The following SUMF1 variants were observed in gnomAD, a reference collection of about 807,000 sequenced individuals.
The protein encoded by SUMF1 is sulfatase modifying factor 1.
A neutral mutation model predicts 47.6 loss-of-function variants in SUMF1; 48 were observed. That is an observed-to-expected ratio of 1.01 (90% CI 0.80 to 1.28). The LOEUF (loss-of-function observed/expected upper bound fraction) is 1.28, where lower values mean the gene tolerates loss of function less well. Among genes scored for constraint, SUMF1 ranks in the 50% most tolerant of loss-of-function variants. The pLI, the probability that SUMF1 is intolerant of heterozygous loss-of-function variation, is 0.00. For missense variants in SUMF1, 571 were observed against 485.4 expected, an observed-to-expected ratio of 1.18 and a Z score of -1.66; for synonymous variants, 230 against 192.1, an observed-to-expected ratio of 1.20 and a Z score of -1.63.
At chr3:4,050,743 T>A in intron 9 of SUMF1, among the ~76,000 whole-genome samples, 2 of 99,920 alleles carry the variant, frequency 2.0e-5, no homozygotes, top group African/African-American at 5.0e-5. Flanking sequence ...AGTGAGACCC[T>A]GTCTCAAAAA....
intron 8 of SUMF1, among the ~76,000 whole-genome samples, chr3:4,101,035 AC>A (rs776922961): frequency 5.9e-5 from 9 of 152,078 alleles, no homozygotes; most frequent in South Asian, 2.1e-4. Flanking sequence ...AGAAAAGGGA[AC>A]TTTTATACAC....
intron 8 of SUMF1, among the ~76,000 whole-genome samples, chr3:4,085,907 C>T (rs767895115): frequency 6.6e-6 from 1 of 151,924 alleles, no homozygotes; most frequent in Middle Eastern, 3.4e-3. Context: ...TCCTCTTCTG[C>T]CTCTCAAAAA....
intron 8 of SUMF1, among the ~76,000 whole-genome samples, chr3:4,245,821 T>C (rs2125002621): frequency 6.6e-6 from 1 of 152,318 alleles, no homozygotes; most frequent in East Asian, 1.9e-4. Flanking sequence ...TCTGCTGCCT[T>C]TGGTTCAGAT....
intron 8 of SUMF1, among the ~76,000 whole-genome samples, chr3:4,256,081 C>A (rs1188776399): frequency 6.7e-6 from 1 of 148,946 alleles, no homozygotes; most frequent in Non-Finnish European, 1.5e-5. Flanking sequence ...AACAAAGACA[C>A]AACATACCAG....
intron 8 of SUMF1, among the ~76,000 whole-genome samples, chr3:4,163,987 C>A (rs939337579): frequency 2.0e-5 from 3 of 152,128 alleles, no homozygotes; most frequent in Admixed American, 6.5e-5. Context: ...CTGTTAGAAC[C>A]ACTGGCTATT....
At chr3:4,289,482 C>T (rs1559655533) in intron 8 of SUMF1, among the ~76,000 whole-genome samples, 1 of 152,174 alleles carries the variant, frequency 6.6e-6, no homozygotes, top group Non-Finnish European at 1.5e-5. Context: ...TACATTACTA[C>T]ACTAGCAATT....
At chr3:4,260,545 G>C (rs1318640177) in intron 8 of SUMF1, among the ~76,000 whole-genome samples, 1 of 152,028 alleles carries the variant, frequency 6.6e-6, no homozygotes, top group Non-Finnish European at 1.5e-5. Context: ...GATAAACCTG[G>C]GCATAACGTA....
At chr3:4,201,106 C>T (rs890232618) in intron 8 of SUMF1, among the ~76,000 whole-genome samples, 1 of 152,038 alleles carries the variant, frequency 6.6e-6, no homozygotes, top group Non-Finnish European at 1.5e-5. Context: ...GGGTATCCAT[C>T]ACCTCATGCA....
At position 4,039,208 on chromosome 3, in the gene SUMF1, A is replaced by AT. The variant is rs1213784165; in HGVS notation, c.1191+29360_1191+29361insA. On this transcript the variant is annotated intron_variant and NMD_transcript_variant, in intron 9 of 12. Transcript: ENST00000448413. Reference sequence around the variant, plus strand: ...CAAGCATGCCTGAAACATCTATGCAAATTTTTTTTTTTTTTTTTTTTTTTT... The same window carrying AT: ...CAAGCATGCCTGAAACATCTATGCAATATTTTTTTTTTTTTTTTTTTTTTTT... 4.1e-4 allele frequency among the ~76,000 whole-genome samples: 19 copies of AT among 46,174 alleles called. 1 individual carries two copies. Among genetic ancestry groups the AT allele is most frequent in the East Asian group, 3.1e-3 (3 of 982 alleles). The allele number at this position is 46,174 out of a possible 152,430, so 30.3% of individuals were successfully genotyped here.
chr3:4,058,196 T>C (rs1443115748), intron 9 of SUMF1, among the ~76,000 whole-genome samples: 6 of 152,096 alleles, frequency 3.9e-5, no homozygotes, highest in African/African-American at 9.7e-5. Flanking sequence ...CCAGGCAATA[T>C]AGCACCACAA....
intron 8 of SUMF1, chr3:4,316,942 T>C (rs1261804017): frequency 1.9e-6 from 3 of 1,549,240 alleles, no homozygotes; most frequent in Non-Finnish European, 1.7e-6. Flanking sequence ...AAGGGCCCAA[T>C]TCTTCTCCAC....
At chr3:4,172,611 G>C (rs1053464212) in intron 8 of SUMF1, among the ~76,000 whole-genome samples, 1 of 152,092 alleles carries the variant, frequency 6.6e-6, no homozygotes, top group African/African-American at 2.4e-5. Flanking sequence ...CTAAGAATAA[G>C]TTTCATATGT....
At chr3:4,307,020 A>C (rs1056805434) in intron 8 of SUMF1, among the ~76,000 whole-genome samples, 4 of 152,236 alleles carry the variant, frequency 2.6e-5, no homozygotes, top group African/African-American at 9.6e-5. Flanking sequence ...GACAAGAATT[A>C]TCTGGCTCAC....
chr3:4,198,065 TG>T (rs1695467897), intron 8 of SUMF1, among the ~76,000 whole-genome samples: 2 of 151,174 alleles, frequency 1.3e-5, no homozygotes, highest in Non-Finnish European at 3.0e-5. Context: ...AGATTCTTAT[TG>T]GTCAAATGAA....
At chr3:4,204,625 T>C (rs1245487290) in intron 8 of SUMF1, among the ~76,000 whole-genome samples, 1 of 152,120 alleles carries the variant, frequency 6.6e-6, no homozygotes, top group Non-Finnish European at 1.5e-5. Context: ...GATTTGCCCT[T>C]TTGAGGCTCT....
downstream of SUMF1, among the ~76,000 whole-genome samples, chr3:4,357,599 T>TTATG (rs1699648974): frequency 6.7e-6 from 1 of 150,074 alleles, no homozygotes; most frequent in Non-Finnish European, 1.5e-5. Context: ...ATTTATTTAT[T>TTATG]TATTTATTTA....
intron 8 of SUMF1, among the ~76,000 whole-genome samples, chr3:4,264,531 G>C (rs1003984475): frequency 1.3e-5 from 2 of 152,072 alleles, no homozygotes; most frequent in African/African-American, 4.8e-5. Context: ...ACAAACAGCA[G>C]GGAAAGGCAC....
At chr3:4,215,903 A>G (rs113241389) in intron 8 of SUMF1, among the ~76,000 whole-genome samples, 2,127 of 152,294 alleles carry the variant, frequency 0.014, 47 homozygotes, top group African/African-American at 0.046. Flanking sequence ...TCACAAACAA[A>G]TGGAAAAACA....
chr3:4,223,467 C>G (rs1334610169), intron 8 of SUMF1, among the ~76,000 whole-genome samples: 1 of 152,102 alleles, frequency 6.6e-6, no homozygotes, highest in East Asian at 1.9e-4. Flanking sequence ...AGCATAGCAG[C>G]TGCTCACTTT....
Sources: gnomAD v4.1 joint callset for allele counts (sites outside exome capture counted in the v4.1 genomes callset) on GRCh38, gnomAD v4.1.1 for gene constraint, MANE v1.5 for transcripts, NCBI Gene and HGNC (gene_info 2026-07-23, HGNC 2026-07-21) for gene names.